The following DYSF variants were observed in gnomAD, a reference collection of about 807,000 sequenced individuals.
The protein encoded by DYSF is dysferlin, also known as dystrophy-associated fer-1-like 1.
In DYSF, 212 loss-of-function variants were observed where a neutral mutation model predicts 274.9. That is an observed-to-expected ratio of 0.77 (90% CI 0.69 to 0.86). The LOEUF is 0.86. Ranked by LOEUF, DYSF falls within the 40% of genes least tolerant of loss-of-function variation. The pLI, the probability that DYSF is intolerant of heterozygous loss-of-function variation, is 0.00. For missense variants in DYSF, 2,666 were observed against 2,783.2 expected, an observed-to-expected ratio of 0.96 and a Z score of 0.95; for synonymous variants, 1,091 against 1,078.7, an observed-to-expected ratio of 1.01 and a Z score of -0.22.
intron 1 of DYSF, among the ~76,000 whole-genome samples, chr2:71,469,721 T>C (rs1019570223): frequency 1.3e-5 from 2 of 152,250 alleles, no homozygotes; most frequent in African/African-American, 4.8e-5. Flanking sequence ...TAGTAGAGGC[T>C]ACTAATGAAT....
In DYSF at chr2:71,568,098, C is replaced by T. The variant is rs1408420988; in HGVS notation, c.2697+16C>T. The T allele has an allele frequency of 2.5e-6, 4 of 1,614,062 alleles. No individual in the cohort carries two copies. Among genetic ancestry groups the T allele is most frequent in the East Asian group, 2.2e-5 (1 of 44,896 alleles). On this transcript the variant is annotated intron_variant, in intron 25 of 55. Transcript: ENST00000410020. Reference sequence around the variant, plus strand: ...TGCTGAAACCGTGAGTACCTGCCAGCCCCCACCTCTGCCTCCCACTACCTG... The same window carrying T: ...TGCTGAAACCGTGAGTACCTGCCAGTCCCCACCTCTGCCTCCCACTACCTG...
rs192560899 is a variant in DYSF, at chr2:71,652,935, A to G, written c.4627-3227A>G. 1.6e-4 allele frequency among the ~76,000 whole-genome samples: 24 copies of G among 152,350 alleles called. No individual in the cohort carries two copies. In the East Asian group the frequency reaches 4.4e-3, roughly 28 times the overall value. The stretch of plus-strand genomic sequence containing the variant: ...ATTGCCTAACCATTTAGCAAAAAAT[A>G]AATTAAATTCTTGCCTCACGCTGGG... On this transcript the variant is annotated intron_variant, in intron 42 of 55. Transcript: ENST00000410020.
intron 45 of DYSF, among the ~76,000 whole-genome samples, chr2:71,662,442 G>A (rs939836380): frequency 6.6e-6 from 1 of 151,490 alleles, no homozygotes; most frequent in Non-Finnish European, 1.5e-5. Flanking sequence ...ATGTATGTGT[G>A]TGTATGTGTG....
At chr2:71,520,713 A>T in intron 11 of DYSF, 76 bp from the exon 12 acceptor site, 7 of 1,327,918 alleles carry the variant, frequency 5.3e-6, no homozygotes, top group Non-Finnish European at 7.6e-6. Context: ...TGTGCAGTCC[A>T]TCCTGGGTTC....
intron 40 of DYSF, among the ~76,000 whole-genome samples, chr2:71,614,319 G>A (rs2093835851): frequency 6.6e-6 from 1 of 152,338 alleles, no homozygotes; most frequent in South Asian, 2.1e-4. Flanking sequence ...CAGAGGCAGA[G>A]CCTCCAGGCC....
chr2:71,657,716 C>G (rs952495303), intron 43 of DYSF, among the ~76,000 whole-genome samples: 5 of 152,194 alleles, frequency 3.3e-5, no homozygotes. Context: ...AGCCACAGCC[C>G]AAGCTGTACA....
intron 17 of DYSF, among the ~76,000 whole-genome samples, chr2:71,545,385 G>T (rs1446291501): frequency 6.6e-6 from 1 of 152,186 alleles, no homozygotes; most frequent in Admixed American, 6.5e-5. Context: ...CTTTGGACTA[G>T]TCCCAGAAAC....
rs1434344439 is a variant in DYSF, at chr2:71,511,848, A to G, written c.387A>G (p.Gly129=). Residue 129 remains glycine, a synonymous_variant, in exon 5 of 56, where the codon GGA becomes GGG. Coordinates refer to ENST00000410020, the MANE Select transcript of DYSF (RefSeq NM_001130987.2). Reference sequence around the variant, plus strand: ...AGGTGTCCTACACACCGCTGCCTGGAGCTGTGCCCCTGTTCCCGCCCCCTA... The same window carrying G: ...AGGTGTCCTACACACCGCTGCCTGGGGCTGTGCCCCTGTTCCCGCCCCCTA... ...VLQVSYTPLP[G]AVPLFPPPTP... 6.4e-7 allele frequency: 1 copy of G among 1,551,580 alleles called. No homozygotes were observed. The highest frequency in any genetic ancestry group is 2.4e-5 in the East Asian group (1 of 40,926).
intron 43 of DYSF, 75 bp from the exon 44 acceptor site, chr2:71,658,803 G>T: frequency 6.3e-7 from 1 of 1,583,796 alleles, no homozygotes; most frequent in South Asian, 1.1e-5. Context: ...TTCAAGTTGA[G>T]ATTTGGGTGG....
At position 71,456,167 on chromosome 2, in the gene DYSF, C is replaced by A. The variant is rs1216000974; in HGVS notation, c.88+2081C>A. Reference sequence around the variant, plus strand: ...CCTGGCTCTTCGGGGTAGGCTCCCCCTTTCCAGGGCCCAGAGCACACAGCT... The same window carrying A: ...CCTGGCTCTTCGGGGTAGGCTCCCCATTTCCAGGGCCCAGAGCACACAGCT... On this transcript the variant is annotated intron_variant, in intron 1 of 54. Coordinates refer to the DYSF transcript ENST00000258104. Among the ~76,000 whole-genome samples, 5 of 152,094 alleles carry A rather than the reference C, an allele frequency of 3.3e-5. No individual in the cohort carries two copies. The South Asian group carries it at 8.3e-4, about 25-fold the overall frequency.
intron 24 of DYSF, among the ~76,000 whole-genome samples, chr2:71,565,997 C>T (rs887952385): frequency 6.6e-6 from 1 of 151,690 alleles, no homozygotes; most frequent in African/African-American, 2.4e-5. Context: ...GTGAGTGTGT[C>T]TGTGTGTGTG....
intron 23 of DYSF, among the ~76,000 whole-genome samples, chr2:71,563,677 C>T (rs2091916771): frequency 6.6e-6 from 1 of 152,160 alleles, no homozygotes; most frequent in Non-Finnish European, 1.5e-5. Flanking sequence ...AATGTTACCT[C>T]CCTGGTCAAA....
intron 4 of DYSF, among the ~76,000 whole-genome samples, chr2:71,508,458 T>C (rs1455798040): frequency 6.6e-6 from 1 of 152,252 alleles, no homozygotes; most frequent in East Asian, 1.9e-4. Flanking sequence ...GTTTCTTCAG[T>C]TTCCTTCCAT....
chr2:71,598,829 C>G, intron 33 of DYSF, 84 bp downstream of exon 33: 3 of 1,523,540 alleles, frequency 2.0e-6, no homozygotes, highest in Non-Finnish European at 2.7e-6. Context: ...CGTGGCTGCC[C>G]AGCCAGATGG....
chr2:71,508,395 C>G (rs1239656032), intron 4 of DYSF, among the ~76,000 whole-genome samples: 1 of 152,296 alleles, frequency 6.6e-6, no homozygotes, highest in Admixed American at 6.5e-5. Flanking sequence ...TTCCCAGTGT[C>G]CTTTGTAGCA....
At chr2:71,454,109 G>T (rs2080948881) in intron 1 of DYSF, 1 of 1,608,710 alleles carries the variant, frequency 6.2e-7, no homozygotes, top group Non-Finnish European at 8.5e-7. Context: ...GACCACCCTC[G>T]CCCGGGGTCG....
Position 71,528,310 on chromosome 2 carries a change from T to C in DYSF, c.1289T>C (p.Val430Ala). The C allele has an allele frequency of 6.2e-7, 1 of 1,613,952 alleles. No individual in the cohort carries two copies. The highest frequency in any genetic ancestry group is 1.1e-5 in the South Asian group (1 of 90,996). ...TCCCTCTTCCCAGTGGACGATGCCG[T>C]GATGGACAACGTGAAACAGATCTTT... ...AEDLPQMDDA[V>A]MDNVKQIFGF... Residue 430 changes from valine to alanine, a missense_variant, in exon 14 of 56, where the codon GTG (valine) becomes GCG (alanine). Physicochemically the swap from Val to Ala is moderately conservative, Grantham distance 64 (BLOSUM62 0). Transcript: ENST00000410020.
intron 55 of DYSF, among the ~76,000 whole-genome samples, chr2:71,683,482 C>T (rs2095320185): frequency 6.6e-6 from 1 of 152,230 alleles, no homozygotes. Flanking sequence ...CATTCTCAGG[C>T]TGACACCTGA....
At chr2:71,559,144 C>A (rs2091544234) in intron 22 of DYSF, among the ~76,000 whole-genome samples, 1 of 152,212 alleles carries the variant, frequency 6.6e-6, no homozygotes, top group Non-Finnish European at 1.5e-5. Flanking sequence ...TTCCTCCAGC[C>A]CAGCCCTCTT....
Sources: allele counts gnomAD v4.1 joint callset (sites outside exome capture counted in the v4.1 genomes callset), GRCh38; gene constraint gnomAD v4.1.1; transcripts MANE v1.5; gene names NCBI Gene and HGNC (gene_info 2026-07-23, HGNC 2026-07-21).